Variants in MID1 observed in about 807,000 individuals in gnomAD.
MID1 encodes E3 ubiquitin-protein ligase Midline-1.
MID1 carries 7 observed loss-of-function variants against 40.4 expected under a neutral mutation model. The ratio of observed to expected loss-of-function variants is 0.17; its 90% CI spans 0.10 to 0.33. MID1 has a LOEUF of 0.33. Ranked by LOEUF, MID1 falls within the 10% of genes least tolerant of loss-of-function variation. The pLI is 1.00. For synonymous variants in MID1, 229 were observed against 221.2 expected (o/e 1.04, Z -0.31); for missense variants, 367 against 558.5 (o/e 0.66, Z 3.46).
chrX:10,629,314 C>T (rs1474663433), intron 1 of MID1, among the ~76,000 whole-genome samples: 2 of 110,648 alleles, frequency 1.8e-5, no homozygotes, highest in Non-Finnish European at 3.8e-5. Context: ...TCTCCAGCCT[C>T]AGCCACTCTA....
chrX:10,766,549 A>C (rs1364658579), intron 1 of MID1, among the ~76,000 whole-genome samples: 2 of 112,315 alleles, frequency 1.8e-5, no homozygotes, highest in African/African-American at 3.2e-5. Flanking sequence ...AGATGAGAAG[A>C]ATCAAAATTT....
intron 1 of MID1, among the ~76,000 whole-genome samples, chrX:10,689,607 C>T (rs1352197921): frequency 9.0e-6 from 1 of 111,530 alleles, no homozygotes; most frequent in African/African-American, 3.3e-5. Context: ...ATATCCATAT[C>T]TATACCTAAA....
chrX:10,492,546 G>C (rs917078344), intron 4 of MID1, among the ~76,000 whole-genome samples: 1 of 112,067 alleles, frequency 8.9e-6, no homozygotes, highest in Admixed American at 9.5e-5. Context: ...ATGAGGGAAA[G>C]GTTGGCAATA....
chrX:10,693,840 A>C (rs2147078118), intron 1 of MID1, among the ~76,000 whole-genome samples: 1 of 112,006 alleles, frequency 8.9e-6, no homozygotes, highest in East Asian at 2.8e-4. Context: ...GTTATAGTTT[A>C]TTTGGAAAAA....
At chrX:10,480,883 G>A (rs1417444160) in intron 5 of MID1, among the ~76,000 whole-genome samples, 1 of 112,443 alleles carries the variant, frequency 8.9e-6, no homozygotes, top group East Asian at 2.8e-4. Flanking sequence ...TAAGAAGAGT[G>A]AAAATGGAGA....
intron 1 of MID1, among the ~76,000 whole-genome samples, chrX:10,656,721 C>CT (rs2042875641): frequency 9.1e-6 from 1 of 110,182 alleles, no homozygotes. Context: ...CTCTCATATT[C>CT]AGATGACAAA....
chrX:10,652,347 G>T (rs181778660), intron 1 of MID1, among the ~76,000 whole-genome samples: 5,931 of 109,010 alleles, frequency 0.054, 168 homozygotes, highest in African/African-American at 0.12. Flanking sequence ...ATGGTTTTTT[G>T]TTGTTGTTGT....
chrX:10,715,795 C>G lies in MID1; in HGVS notation c.-186-95376G>C, dbSNP rs1180400369. ...AGTAGCCTAACTGGGAGGCACCCCC[C>G]AGTAGGGGCAGACTGACACCTCACA... is the stretch of plus-strand genomic sequence containing the variant. On this transcript the variant is annotated intron_variant, in intron 1 of 10. Coordinates refer to the MID1 transcript ENST00000380785. 4.5e-5 allele frequency among the ~76,000 whole-genome samples: 5 copies of G among 111,980 alleles called. No individual in the cohort carries two copies. The East Asian group carries it at 8.5e-4, about 19-fold the overall frequency.
chrX:10,782,879 T>C (rs968366128), intron 1 of MID1, among the ~76,000 whole-genome samples: 1 of 111,608 alleles, frequency 9.0e-6, no homozygotes, highest in Admixed American at 9.5e-5. Context: ...GGGAGCTTGT[T>C]AGACAAGCAG....
rs201039524 is a variant in MID1 at position 10,509,768 on chromosome X, T to C, written c.756+13324A>G. On this transcript the variant is annotated intron_variant, in intron 3 of 9. Coordinates refer to ENST00000317552, the MANE Select transcript of MID1 (RefSeq NM_000381.4). ...CAAGGTGTGAGCTTATCGGACATGC[T>C]GATCTATGCAAATGAGCTAGTGCTA... Among the ~76,000 whole-genome samples, 5 of 112,444 alleles carry C rather than the reference T, an allele frequency of 4.4e-5. No individual in the cohort carries two copies. In the East Asian group the frequency reaches 1.1e-3, roughly 25 times the overall value.
intron 1 of MID1, among the ~76,000 whole-genome samples, chrX:10,678,735 G>A (rs1206163314): frequency 8.9e-6 from 1 of 112,114 alleles, no homozygotes; most frequent in Non-Finnish European, 1.9e-5. Context: ...CAAAGGTTAT[G>A]AAACAAAAGG....
chrX:10,806,491 T>C (rs761456735), intron 1 of MID1, among the ~76,000 whole-genome samples: 9 of 112,240 alleles, frequency 8.0e-5, no homozygotes, highest in Non-Finnish European at 1.7e-4. Context: ...AGACAAGTCA[T>C]TGGTTTTCAG....
intron 1 of MID1, among the ~76,000 whole-genome samples, chrX:10,691,702 A>G (rs1248822034): frequency 1.8e-5 from 2 of 112,129 alleles, no homozygotes; most frequent in Non-Finnish European, 3.8e-5. Flanking sequence ...GAACAGAATA[A>G]CAGCGATTTT....
chrX:10,621,363 A>G (rs754952913), upstream of MID1, among the ~76,000 whole-genome samples: 4 of 111,971 alleles, frequency 3.6e-5, no homozygotes, highest in South Asian at 1.5e-3. Context: ...TCTTAGAAAC[A>G]AACTCAGACC....
intron 1 of MID1, among the ~76,000 whole-genome samples, chrX:10,646,891 AAAG>A: frequency 8.9e-6 from 1 of 111,940 alleles, no homozygotes; most frequent in Admixed American, 9.6e-5. Context: ...TTTTGCAGAA[AAAG>A]AAGGTGTGAA....
At chrX:10,486,197 C>T (rs980827597) in intron 4 of MID1, among the ~76,000 whole-genome samples, 2 of 112,180 alleles carry the variant, frequency 1.8e-5, no homozygotes, top group Admixed American at 1.9e-4. Flanking sequence ...ATAATATCAC[C>T]TGCTTGGTGA....
intron 1 of MID1, among the ~76,000 whole-genome samples, chrX:10,582,304 A>G (rs1437838266): frequency 1.8e-5 from 2 of 111,841 alleles, no homozygotes; most frequent in Non-Finnish European, 3.8e-5. Context: ...GGCGCGAGAT[A>G]CTACCTCTAT....
chrX:10,806,640 A>G (rs1410269560), intron 1 of MID1, among the ~76,000 whole-genome samples: 1 of 112,592 alleles, frequency 8.9e-6, no homozygotes, highest in Non-Finnish European at 1.9e-5. Context: ...AACTAGAAAG[A>G]TCTATAAATC....
intron 1 of MID1, among the ~76,000 whole-genome samples, chrX:10,731,966 CAAAAAAAAAAAAA>C (rs754605735): frequency 3.8e-5 from 1 of 26,655 alleles, no homozygotes; most frequent in African/African-American, 9.6e-5. Context: ...GAATCTATCA[CAAAAAAAAAAAAA>C]AAAAAAAAAA....
Sources: allele counts gnomAD v4.1 joint callset (sites outside exome capture counted in the v4.1 genomes callset), GRCh38; gene constraint gnomAD v4.1.1; transcripts MANE v1.5; gene names NCBI Gene and HGNC (gene_info 2026-07-23, HGNC 2026-07-21).